MAPKAP1: variants seen among roughly 807,000 people sequenced by gnomAD.
MAPKAP1 encodes the protein MAPK associated protein 1, also known as target of rapamycin complex 2 subunit MAPKAP1.
In MAPKAP1, 20 loss-of-function variants were observed where a neutral mutation model predicts 65.7. That is an observed-to-expected ratio of 0.30 (90% CI 0.21 to 0.44). The LOEUF (loss-of-function observed/expected upper bound fraction) is 0.44. Among genes scored for constraint, MAPKAP1 ranks in the 20% least tolerant of loss-of-function variants. MAPKAP1 has a pLI of 1.00. For synonymous variants in MAPKAP1, 222 were observed against 244.3 expected (o/e 0.91, Z 0.85); for missense variants, 423 against 648.0 (o/e 0.65, Z 3.77).
chr9:125,643,826 T>G (rs1833648440), intron 4 of MAPKAP1, among the ~76,000 whole-genome samples: 1 of 152,228 alleles, frequency 6.6e-6, no homozygotes, highest in Non-Finnish European at 1.5e-5. Flanking sequence ...TCGCCAATTT[T>G]TGGTCTTGCC....
intron 1 of MAPKAP1, among the ~76,000 whole-genome samples, chr9:125,683,580 T>C (rs1256568726): frequency 6.6e-6 from 1 of 152,080 alleles, no homozygotes; most frequent in African/African-American, 2.4e-5. Flanking sequence ...CGCAAGGAAA[T>C]GAATTCCACT....
chr9:125,603,218 T>C (rs147487638), intron 4 of MAPKAP1, among the ~76,000 whole-genome samples: 4 of 152,202 alleles, frequency 2.6e-5, no homozygotes, highest in Non-Finnish European at 5.9e-5. Flanking sequence ...CTCTGTCTGA[T>C]TCAGTTTCAA....
intron 6 of MAPKAP1, among the ~76,000 whole-genome samples, chr9:125,554,373 G>A (rs563969731): frequency 6.6e-6 from 1 of 152,284 alleles, no homozygotes; most frequent in East Asian, 1.9e-4. Flanking sequence ...CTAGGATGGA[G>A]GAAGGGGTTG....
At chr9:125,571,915 A>G (rs1831245564) in intron 5 of MAPKAP1, among the ~76,000 whole-genome samples, 1 of 152,178 alleles carries the variant, frequency 6.6e-6, no homozygotes, top group Non-Finnish European at 1.5e-5. Context: ...TGTTTTTCAG[A>G]GTCAAGGAAA....
At chr9:125,622,722 G>T (rs996395523) in intron 4 of MAPKAP1, among the ~76,000 whole-genome samples, 1 of 151,732 alleles carries the variant, frequency 6.6e-6, no homozygotes, top group East Asian at 1.9e-4. Context: ...GGGATTACAG[G>T]CATGAGCCAC....
chr9:125,591,822 G>T lies in MAPKAP1; in HGVS notation c.499-6095C>A, dbSNP rs968974023. On this transcript the variant is annotated intron_variant, in intron 4 of 11. Coordinates refer to ENST00000265960, the MANE Select transcript of MAPKAP1 (RefSeq NM_001006617.3). ...TAACTTATTTAAAAAAACGGTGACC[G>T]AAGGATTAAAAGTATTCATTACACA... is the stretch of plus-strand genomic sequence containing the variant. Among the ~76,000 whole-genome samples the T allele has an allele frequency of 2.6e-5, 4 of 152,224 alleles. No homozygotes were observed. In the South Asian group the frequency reaches 6.2e-4, roughly 24 times the overall value.
At chr9:125,609,888 C>T (rs1832550074) in intron 4 of MAPKAP1, among the ~76,000 whole-genome samples, 1 of 152,172 alleles carries the variant, frequency 6.6e-6, no homozygotes, top group South Asian at 2.1e-4. Flanking sequence ...GAGTGTGCCA[C>T]ATAAATTCTC....
chr9:125,591,140 A>G (rs925940750), intron 4 of MAPKAP1, among the ~76,000 whole-genome samples: 2 of 152,208 alleles, frequency 1.3e-5, no homozygotes, highest in Admixed American at 1.3e-4. Context: ...TCAACACCCA[A>G]TAACCAAGGT....
Position 125,461,193 on chromosome 9 carries a change from C to G in MAPKAP1, c.1345+6779G>C, listed in dbSNP as rs191583875. 1.1e-4 allele frequency among the ~76,000 whole-genome samples: 16 copies of G among 152,360 alleles called. No homozygotes were observed. The East Asian group carries it at 3.1e-3, about 29-fold the overall frequency. ...ACAGTTCAACATTAGATGACGCAAGCTGGCCGTCTGCTTACGGTTTTTCTC... is the reference window on the plus strand; with the variant it reads ...ACAGTTCAACATTAGATGACGCAAGGTGGCCGTCTGCTTACGGTTTTTCTC... On this transcript the variant is annotated intron_variant, in intron 10 of 11. Coordinates refer to ENST00000265960, the MANE Select transcript of MAPKAP1 (RefSeq NM_001006617.3).
At chr9:125,636,430 A>C (rs1833426884) in intron 4 of MAPKAP1, among the ~76,000 whole-genome samples, 2 of 152,248 alleles carry the variant, frequency 1.3e-5, no homozygotes, top group African/African-American at 4.8e-5. Flanking sequence ...AATAGAGACA[A>C]ATTAGATAAT....
rs530501571 is a variant in MAPKAP1 at position 125,621,346 on chromosome 9, T to C, written c.499-35619A>G. Among the ~76,000 whole-genome samples the C allele has an allele frequency of 5.3e-5, 8 of 152,234 alleles. No homozygotes were observed. In the East Asian group the frequency reaches 1.3e-3, roughly 26 times the overall value. On this transcript the variant is annotated intron_variant, in intron 4 of 11. Coordinates refer to ENST00000265960, the MANE Select transcript of MAPKAP1 (RefSeq NM_001006617.3). ...GAGTGCTTACTTCATGGTGGACATG[T>C]ACTATCTCATTTAATTCTCATCAAC... is the stretch of plus-strand genomic sequence containing the variant.
chr9:125,542,177 G>A (rs1038843446), intron 7 of MAPKAP1, among the ~76,000 whole-genome samples: 4 of 152,106 alleles, frequency 2.6e-5, no homozygotes, highest in Non-Finnish European at 4.4e-5. Flanking sequence ...CAGCTCATCC[G>A]TGTCCTTCAC....
intron 4 of MAPKAP1, among the ~76,000 whole-genome samples, chr9:125,649,810 AAAAAAAAG>A (rs1470815626): frequency 6.6e-6 from 1 of 152,098 alleles, no homozygotes; most frequent in African/African-American, 2.4e-5. Context: ...AAAAAAAAAA[AAAAAAAAG>A]AAAAGAAGAA....
chr9:125,630,042 A>G (rs650406), intron 4 of MAPKAP1, among the ~76,000 whole-genome samples: 136,019 of 152,130 alleles, frequency 0.89, 61,615 homozygotes, highest in East Asian at 1. Context: ...CACTGAGCCT[A>G]GGGTCAACTA....
intron 7 of MAPKAP1, chr9:125,521,335 A>T: frequency 2.8e-6 from 1 of 359,776 alleles, no homozygotes; most frequent in Non-Finnish European, 3.9e-6. Context: ...CTTGTTAGAG[A>T]GGTTGGAAAC....
At chr9:125,535,623 C>T (rs941680183) in intron 7 of MAPKAP1, among the ~76,000 whole-genome samples, 1 of 152,150 alleles carries the variant, frequency 6.6e-6, no homozygotes, top group African/African-American at 2.4e-5. Flanking sequence ...GAAAGCGAGG[C>T]TTAGAGAGGT....
chr9:125,511,593 G>A (rs1829302757), intron 7 of MAPKAP1, among the ~76,000 whole-genome samples: 1 of 152,166 alleles, frequency 6.6e-6, no homozygotes, highest in African/African-American at 2.4e-5. Flanking sequence ...TCAAATACTT[G>A]TTTAATTTTT....
At chr9:125,680,447 T>C (rs989936523) in intron 1 of MAPKAP1, among the ~76,000 whole-genome samples, 2 of 152,228 alleles carry the variant, frequency 1.3e-5, no homozygotes, top group African/African-American at 4.8e-5. Context: ...CTAACTCCAA[T>C]TTAACTCTAA....
At chr9:125,675,643 T>C (rs1405798554) in intron 1 of MAPKAP1, among the ~76,000 whole-genome samples, 1 of 152,236 alleles carries the variant, frequency 6.6e-6, no homozygotes, top group Non-Finnish European at 1.5e-5. Context: ...TGTCACTTTT[T>C]ACCTCCAATT....
Sources: allele counts gnomAD v4.1 joint callset (sites outside exome capture counted in the v4.1 genomes callset), GRCh38; gene constraint gnomAD v4.1.1; transcripts MANE v1.5; gene names NCBI Gene and HGNC (gene_info 2026-07-23, HGNC 2026-07-21).